The following CCDC73 variants were observed in gnomAD, a reference collection of about 807,000 sequenced individuals.
The protein encoded by CCDC73 is coiled-coil domain containing 73.
CCDC73 carries 95 observed loss-of-function variants against 116.5 expected under a neutral mutation model. The observed-to-expected ratio is 0.82, with a 90% CI of 0.69 to 0.97. The LOEUF is 0.97. CCDC73 is among the 50% of genes least tolerant of loss of function. The pLI is 0.00. For synonymous variants in CCDC73, 398 were observed against 401.3 expected, an observed-to-expected ratio of 0.99 and a Z score of 0.10; for missense variants, 1,066 against 1,206.8, an observed-to-expected ratio of 0.88 and a Z score of 1.73.
intron 17 of CCDC73, chr11:32,604,617 T>G (rs1312755360): frequency 1.3e-5 from 2 of 152,202 alleles, no homozygotes; most frequent in African/African-American, 2.4e-5. Flanking sequence ...CTCCTGTTCT[T>G]AAGTCTGTTA....
At chr11:32,620,098 A>C (rs1204861315) in intron 14 of CCDC73, among the ~76,000 whole-genome samples, 3 of 152,138 alleles carry the variant, frequency 2.0e-5, no homozygotes, top group Non-Finnish European at 4.4e-5. Context: ...GGAATTCAGG[A>C]GTGGTTGGCT....
At chr11:32,784,826 G>T (rs901517696) in intron 1 of CCDC73, among the ~76,000 whole-genome samples, 1 of 152,098 alleles carries the variant, frequency 6.6e-6, no homozygotes, top group Non-Finnish European at 1.5e-5. Context: ...GTTTTAAGTT[G>T]GTACAGAACC....
chr11:32,654,091 A>G, intron 10 of CCDC73, 54 bp from the exon 11 acceptor site: 1 of 1,491,982 alleles, frequency 6.7e-7, no homozygotes, highest in Non-Finnish European at 9.1e-7. Flanking sequence ...CAAATTCTAC[A>G]TTCAATTCAG....
intron 2 of CCDC73, among the ~76,000 whole-genome samples, chr11:32,755,811 A>C (rs1373264966): frequency 1.5e-5 from 2 of 133,494 alleles, no homozygotes; most frequent in East Asian, 2.1e-4. Context: ...GTATATATAT[A>C]TCTCCATATA....
chr11:32,748,341 A>C (rs999733744), intron 2 of CCDC73, among the ~76,000 whole-genome samples: 1 of 152,158 alleles, frequency 6.6e-6, no homozygotes, highest in Admixed American at 6.5e-5. Context: ...TGCAAATACT[A>C]TCTTTAACCC....
rs555113271 is a variant in CCDC73, at chr11:32,624,909, T to C, written c.1186-8780A>G. Among the ~76,000 whole-genome samples the C allele has an allele frequency of 6.6e-5, 10 of 152,352 alleles. No homozygotes were observed. The South Asian group carries it at 2.1e-3, about 32-fold the overall frequency. On this transcript the variant is annotated intron_variant, in intron 14 of 17. Transcript: ENST00000335185. ...ACATGGATGAAGGTGGAAACCATCA[T>C]TCTGAGCAAACTGTCACAAGGACAG...
intron 1 of CCDC73, among the ~76,000 whole-genome samples, chr11:32,779,842 A>AG: frequency 6.6e-6 from 1 of 152,166 alleles, no homozygotes; most frequent in Admixed American, 6.5e-5. Flanking sequence ...AAGAAGGTAT[A>AG]CAGGTTAATA....
chr11:32,743,278 T>C (rs1023826750), intron 2 of CCDC73, among the ~76,000 whole-genome samples: 2 of 152,192 alleles, frequency 1.3e-5, no homozygotes, highest in Non-Finnish European at 2.9e-5. Flanking sequence ...TGATTCTTCC[T>C]ATCCATGAGC....
Position 32,787,956 on chromosome 11 carries a change from A to C in CCDC73, c.-16+6657T>G, listed in dbSNP as rs190663143. Among the ~76,000 whole-genome samples, 537 of 152,284 alleles carry C rather than the reference A, an allele frequency of 3.5e-3. 1 individual carries two copies. The highest frequency in any genetic ancestry group is 0.012 in the African/African-American group (508 of 41,560). On this transcript the variant is annotated intron_variant, in intron 1 of 17. Coordinates refer to ENST00000335185, the MANE Select transcript of CCDC73 (RefSeq NM_001008391.4). Reference sequence around the variant, plus strand: ...CCCCCCAAAAGTAAAGAACTGAAAGATCTTTTATGTCCCATATAGCACAAG... The same window carrying C: ...CCCCCCAAAAGTAAAGAACTGAAAGCTCTTTTATGTCCCATATAGCACAAG...
At chr11:32,715,241 C>G (rs1849933999) in intron 3 of CCDC73, among the ~76,000 whole-genome samples, 1 of 152,098 alleles carries the variant, frequency 6.6e-6, no homozygotes, top group African/African-American at 2.4e-5. Context: ...CTTGGCCACT[C>G]TATGGTGTGA....
At chr11:32,667,385 G>A (rs192204370) in intron 9 of CCDC73, among the ~76,000 whole-genome samples, 3,983 of 152,208 alleles carry the variant, frequency 0.026, 65 homozygotes, top group Non-Finnish European at 0.04. Context: ...CCCCAGCCTC[G>A]CTGCTGCCTT....
intron 2 of CCDC73, among the ~76,000 whole-genome samples, chr11:32,732,097 T>C (rs1026090608): frequency 5.9e-5 from 9 of 152,142 alleles, no homozygotes; most frequent in Admixed American, 5.2e-4. Context: ...CAGAAAACCA[T>C]GGCACAAGAA....
At chr11:32,733,618 C>T (rs1190355496) in intron 2 of CCDC73, among the ~76,000 whole-genome samples, 1 of 152,186 alleles carries the variant, frequency 6.6e-6, no homozygotes, top group African/African-American at 2.4e-5. Flanking sequence ...AAGAATCTCA[C>T]TCAAAACTGC....
At chr11:32,778,999 A>C (rs1346581523) in intron 1 of CCDC73, among the ~76,000 whole-genome samples, 1 of 152,202 alleles carries the variant, frequency 6.6e-6, no homozygotes, top group Non-Finnish European at 1.5e-5. Flanking sequence ...CTATGGTCTT[A>C]AGTAAATAAT....
chr11:32,603,295 T>C (rs1212692954), intron 17 of CCDC73: 1 of 299,582 alleles, frequency 3.3e-6, no homozygotes, highest in Admixed American at 4.6e-5. Flanking sequence ...ACACCATTGT[T>C]GAAGAAACAG....
rs116156058 is a variant in CCDC73 at position 32,674,020 on chromosome 11, T to C, written c.645+1545A>G. Among the ~76,000 whole-genome samples the C allele has an allele frequency of 7.1e-3, 1,087 of 152,270 alleles. 17 individuals are homozygous for C. Among genetic ancestry groups the C allele is most frequent in the African/African-American group, 0.025 (1,049 of 41,548 alleles). On this transcript the variant is annotated intron_variant, in intron 9 of 17. Transcript: ENST00000335185. ...AGGGGGAATAAATACCCTGATTCAC[T>C]CTCTTCTTCCTCCCATCTCCTGCCT...
intron 9 of CCDC73, among the ~76,000 whole-genome samples, chr11:32,657,832 C>T (rs1855887790): frequency 1.3e-5 from 2 of 151,952 alleles, no homozygotes; most frequent in African/African-American, 4.8e-5. Flanking sequence ...AAGACCCTGT[C>T]TCTAAATAAA....
At chr11:32,830,473 CT>C in the CCDC73 span, 7,342 of 1,158,876 alleles carry the variant, frequency 6.3e-3, 1 homozygote, top group South Asian at 9.5e-3. Context: ...AGCTAGGGGC[CT>C]TTTTTTTTTA....
chr11:32,658,354 T>C (rs1855893095), intron 9 of CCDC73, among the ~76,000 whole-genome samples: 2 of 152,114 alleles, frequency 1.3e-5, no homozygotes, highest in South Asian at 2.1e-4. Flanking sequence ...ATTTCAAGTA[T>C]GGGAAGGGAT....
Sources: gnomAD v4.1 joint callset for allele counts (sites outside exome capture counted in the v4.1 genomes callset) on GRCh38, gnomAD v4.1.1 for gene constraint, MANE v1.5 for transcripts, NCBI Gene and HGNC (gene_info 2026-07-23, HGNC 2026-07-21) for gene names.